CEP104: variants seen among roughly 807,000 people sequenced by gnomAD.
The protein encoded by CEP104 is centrosomal protein 104.
CEP104 carries 84 observed loss-of-function variants against 113.3 expected under a neutral mutation model. The ratio of observed to expected loss-of-function variants is 0.74; its 90% confidence interval spans 0.62 to 0.89. The LOEUF (loss-of-function observed/expected upper bound fraction) is 0.89, where lower values mean the gene tolerates loss of function less well. Ranked by LOEUF, CEP104 falls within the 40% of genes least tolerant of loss-of-function variation. The pLI, the probability that CEP104 is intolerant of heterozygous loss-of-function variation, is 0.00. For missense variants in CEP104, 1,053 were observed against 1,156.6 expected, an observed-to-expected ratio of 0.91 and a Z score of 1.30; for synonymous variants, 378 against 421.7, an observed-to-expected ratio of 0.90 and a Z score of 1.27.
At chr1:3,838,942 C>T in intron 8 of CEP104, 22 bp downstream of exon 8, 1 of 1,613,370 alleles carries the variant, frequency 6.2e-7, no homozygotes, top group Non-Finnish European at 8.5e-7. Context: ...TTCCTCCACT[C>T]CGTCTGGGCT....
intron 6 of CEP104, among the ~76,000 whole-genome samples, chr1:3,840,827 A>G (rs941778709): frequency 6.6e-6 from 1 of 152,250 alleles, no homozygotes; most frequent in African/African-American, 2.4e-5. Context: ...GGTGTGAGCC[A>G]CTGCACCCAG....
intron 1 of CEP104, among the ~76,000 whole-genome samples, chr1:3,854,204 G>C (rs1442451466): frequency 6.6e-6 from 1 of 152,058 alleles, no homozygotes; most frequent in African/African-American, 2.4e-5. Context: ...GTCTTTTCTA[G>C]ACAGCAACCA....
In CEP104 at chr1:3,823,725, T is replaced by A. The variant is rs753195003; in HGVS notation, c.2365-163A>T. On this transcript the variant is annotated intron_variant, in intron 18 of 21. Coordinates refer to ENST00000378230, the MANE Select transcript of CEP104 (RefSeq NM_014704.4). The surrounding 1 kb of genome is among the most constrained non-coding windows in gnomAD (Gnocchi z 4.1). ...ATCTTCGGCATTTGCCCACAGACTGTCTGGAGTCACTTGTGATACTTTGCT... is the reference window on the plus strand; with the variant it reads ...ATCTTCGGCATTTGCCCACAGACTGACTGGAGTCACTTGTGATACTTTGCT... 3.9e-5 allele frequency among the ~76,000 whole-genome samples: 6 copies of A among 152,208 alleles called. No homozygotes were observed. Among genetic ancestry groups the A allele is most frequent in the Admixed American group, 2.0e-4 (3 of 15,286 alleles).
chr1:3,852,668 G>C (rs1338108939), intron 1 of CEP104, among the ~76,000 whole-genome samples: 1 of 152,176 alleles, frequency 6.6e-6, no homozygotes, highest in African/African-American at 2.4e-5. Context: ...AGTTTGACCA[G>C]TGCTGTGGAT....
chr1:3,841,692 T>C (rs1429021611), intron 6 of CEP104, among the ~76,000 whole-genome samples: 1 of 152,194 alleles, frequency 6.6e-6, no homozygotes, highest in Non-Finnish European at 1.5e-5. Flanking sequence ...TCACACAGCT[T>C]TTCCCAGTCC....
chr1:3,837,021 T>A, intron 9 of CEP104: 1 of 520,954 alleles, frequency 1.9e-6, no homozygotes, highest in South Asian at 2.7e-5. Context: ...TACATCTTTT[T>A]TTCTGACAAG....
At chr1:3,838,841 C>T in intron 8 of CEP104, 123 bp downstream of exon 8, 1 of 1,037,656 alleles carries the variant, frequency 9.6e-7, no homozygotes, top group South Asian at 1.5e-5. Flanking sequence ...CATAACTGTC[C>T]CCTGAGCACT....
intron 13 of CEP104, 85 bp downstream of exon 13, chr1:3,830,961 C>G: frequency 7.4e-7 from 1 of 1,356,352 alleles, no homozygotes; most frequent in South Asian, 1.5e-5. Context: ...ATTCCTTCAA[C>G]AAATGCCGAT....
At chr1:3,825,599 A>G (rs1243561053) in intron 18 of CEP104, among the ~76,000 whole-genome samples, 159 bp downstream of exon 18, 1 of 152,068 alleles carries the variant, frequency 6.6e-6, no homozygotes, top group African/African-American at 2.4e-5. Context: ...ATATGGAATG[A>G]CTCGCACGCA....
chr1:3,821,781 G>A (rs1369650176), intron 20 of CEP104, among the ~76,000 whole-genome samples: 2 of 152,250 alleles, frequency 1.3e-5, no homozygotes, highest in Non-Finnish European at 2.9e-5. Flanking sequence ...GTAGTCAGCA[G>A]ATCCAGACGA....
intron 8 of CEP104, 53 bp downstream of exon 8, chr1:3,838,911 G>C (rs1307888723): frequency 1.3e-6 from 2 of 1,591,432 alleles, no homozygotes; most frequent in Admixed American, 1.7e-5. Context: ...CCACACAGTT[G>C]AATCTCTGTT....
At chr1:3,815,782 G>A (rs1643871352) in intron 21 of CEP104, among the ~76,000 whole-genome samples, 1 of 151,920 alleles carries the variant, frequency 6.6e-6, no homozygotes, top group Non-Finnish European at 1.5e-5. Context: ...TCCACCTCCC[G>A]GGTTCAAGCA....
chr1:3,818,763 C>T (rs1347262494), intron 20 of CEP104, among the ~76,000 whole-genome samples: 1 of 152,198 alleles, frequency 6.6e-6, no homozygotes, highest in Admixed American at 6.5e-5. Flanking sequence ...AATGAGTGTA[C>T]AGTTCAGTAG....
intron 13 of CEP104, 96 bp downstream of exon 13, chr1:3,830,950 C>T: frequency 7.8e-7 from 1 of 1,278,486 alleles, no homozygotes. Context: ...CTGCCTCAGT[C>T]ATTCCTTCAA....
chr1:3,843,325 T>TA (rs60718273), intron 6 of CEP104: 128,523 of 381,286 alleles, frequency 0.34, 9,550 homozygotes, highest in Admixed American at 0.41. Flanking sequence ...CTTACACTGC[T>TA]AAAAAAAAAA....
intron 6 of CEP104, among the ~76,000 whole-genome samples, chr1:3,842,189 C>T (rs920042776): frequency 9.9e-5 from 15 of 152,228 alleles, no homozygotes; most frequent in Non-Finnish European, 2.2e-4. Context: ...ACGCCATTCT[C>T]CCACCTCAGC....
rs1302660116 is a variant in CEP104 at position 3,848,758 on chromosome 1, A to T, written c.137T>A (p.Ile46Asn). 6.2e-7 allele frequency: 1 copy of T among 1,608,800 alleles called. No homozygotes were observed. The highest frequency in any genetic ancestry group is 1.3e-5 in the African/African-American group (1 of 74,616). Residue 46 changes from isoleucine to asparagine, a missense_variant, in exon 3 of 22, where the codon ATT becomes AAT. Ile to Asn is a moderately radical substitution (Grantham distance 149, BLOSUM62 -3). Coordinates refer to ENST00000378230, the MANE Select transcript of CEP104 (RefSeq NM_014704.4). Reference sequence around the variant, plus strand: ...ACATCTCTCCACCATTTGAAGGACAATTTCTTGTGGAAACTGGCAAAATCT... The same window carrying T: ...ACATCTCTCCACCATTTGAAGGACATTTTCTTGTGGAAACTGGCAAAATCT... ...SPRFCQFPQEIVLQMVERCRI... is the reference protein window; with the variant it reads ...SPRFCQFPQENVLQMVERCRI...
intron 20 of CEP104, among the ~76,000 whole-genome samples, chr1:3,820,122 G>A (rs1026596858): frequency 6.6e-6 from 1 of 152,154 alleles, no homozygotes; most frequent in Non-Finnish European, 1.5e-5. Context: ...GAGATACAGG[G>A]AAAGCAGATG....
intron 4 of CEP104, among the ~76,000 whole-genome samples, chr1:3,846,563 C>T (rs1191600292): frequency 6.6e-6 from 1 of 151,984 alleles, no homozygotes; most frequent in Non-Finnish European, 1.5e-5. Context: ...ATTAAAAAAA[C>T]AAAACTCCAA....
Sources: gnomAD v4.1 joint callset for allele counts (sites outside exome capture counted in the v4.1 genomes callset) on GRCh38, gnomAD v4.1.1 for gene constraint, Gnocchi (gnomAD v3.1) non-coding constraint, MANE v1.5 for transcripts, NCBI Gene and HGNC (gene_info 2026-07-23, HGNC 2026-07-21) for gene names.